The following PAG1 variants were observed in gnomAD, a reference collection of about 807,000 sequenced individuals.
The protein encoded by PAG1 is phosphoprotein associated with glycosphingolipid-enriched microdomains 1.
Under a neutral mutation model 31.7 loss-of-function variants are expected in PAG1, and 23 were observed. The ratio of observed to expected loss-of-function variants is 0.73; its 90% CI spans 0.52 to 1.03. The LOEUF (loss-of-function observed/expected upper bound fraction) is 1.03, where lower values mean the gene tolerates loss of function less well. Ranked by LOEUF, PAG1 falls within the 50% of genes least tolerant of loss-of-function variation. The pLI, the probability that PAG1 is intolerant of heterozygous loss-of-function variation, is 0.00. For synonymous variants in PAG1, 214 were observed against 210.3 expected (o/e 1.02, Z -0.15); for missense variants, 473 against 540.7 (o/e 0.87, Z 1.24).
In PAG1 at chr8:81,000,644, G is replaced by A. The variant is rs138495491; in HGVS notation, c.-80-7337C>T. Reference sequence around the variant, plus strand: ...TTTAGTAGAGATGGGGTTTCACCACGTTGGCCAGGCTGGTCTTGAACTCCT... The same window carrying A: ...TTTAGTAGAGATGGGGTTTCACCACATTGGCCAGGCTGGTCTTGAACTCCT... On this transcript the variant is annotated intron_variant, in intron 3 of 8. Coordinates refer to ENST00000220597, the MANE Select transcript of PAG1 (RefSeq NM_018440.4). 4.8e-3 allele frequency among the ~76,000 whole-genome samples: 735 copies of A among 152,234 alleles called. 10 individuals are homozygous for A. Among genetic ancestry groups the A allele is most frequent in the East Asian group, 0.015 (80 of 5,166 alleles).
At chr8:81,107,194 T>C (rs75165728) in intron 1 of PAG1, among the ~76,000 whole-genome samples, 33 of 152,262 alleles carry the variant, frequency 2.2e-4, no homozygotes, top group African/African-American at 7.9e-4. Flanking sequence ...TTGAGCTCAT[T>C]GCGTGAACTA....
chr8:81,061,801 C>T (rs1024438457), intron 2 of PAG1, among the ~76,000 whole-genome samples: 1 of 152,108 alleles, frequency 6.6e-6, no homozygotes, highest in Non-Finnish European at 1.5e-5. Flanking sequence ...TTTCCTGAGC[C>T]ATGGATGCTT....
At chr8:81,058,751 C>T in intron 2 of PAG1, 1 of 150,746 alleles carries the variant, frequency 6.6e-6, no homozygotes, top group East Asian at 2.0e-4. Context: ...AAAAAAGTAG[C>T]CAGGCATCGT....
chr8:81,031,688 C>T (rs1375417851), intron 2 of PAG1, among the ~76,000 whole-genome samples: 1 of 152,090 alleles, frequency 6.6e-6, no homozygotes, highest in Non-Finnish European at 1.5e-5. Flanking sequence ...TCTCTATCAC[C>T]AGATATGAGT....
intron 1 of PAG1, among the ~76,000 whole-genome samples, chr8:81,100,836 C>T (rs1809599035): frequency 6.6e-6 from 1 of 152,314 alleles, no homozygotes; most frequent in South Asian, 2.1e-4. Context: ...TAATATAAGG[C>T]TGACAGTTTT....
intron 2 of PAG1, among the ~76,000 whole-genome samples, chr8:81,032,118 A>G (rs1345301599): frequency 2.6e-5 from 4 of 152,182 alleles, no homozygotes; most frequent in Non-Finnish European, 4.4e-5. Context: ...AAACTATTAG[A>G]AAAAAAACCA....
chr8:81,051,966 T>C (rs1045219120), intron 2 of PAG1, among the ~76,000 whole-genome samples: 4 of 151,512 alleles, frequency 2.6e-5, no homozygotes, highest in African/African-American at 9.7e-5. Flanking sequence ...CCGTCTCTAC[T>C]AAAAATACAA....
At chr8:80,980,621 T>C (rs1807280419) in intron 7 of PAG1, 127 bp from the exon 8 acceptor site, 3 of 643,702 alleles carry the variant, frequency 4.7e-6, no homozygotes, top group Admixed American at 5.5e-5. Flanking sequence ...CACGAAGAAA[T>C]TATGGGAAGA....
intron 3 of PAG1, among the ~76,000 whole-genome samples, chr8:81,014,519 G>T (rs1488391906): frequency 6.6e-6 from 1 of 152,214 alleles, no homozygotes; most frequent in East Asian, 1.9e-4. Context: ...GCAAACCTGT[G>T]TTGGGATGTC....
intron 3 of PAG1, among the ~76,000 whole-genome samples, chr8:80,997,403 T>C (rs1807702231): frequency 1.3e-5 from 2 of 152,188 alleles, no homozygotes; most frequent in South Asian, 2.1e-4. Context: ...CTTGAGTAGC[T>C]GGGAACACAG....
intron 1 of PAG1, among the ~76,000 whole-genome samples, chr8:81,097,497 A>AT (rs1351044936): frequency 6.6e-6 from 1 of 152,180 alleles, no homozygotes. Flanking sequence ...AGAGAAAATG[A>AT]TATCTGCAAA....
chr8:80,982,293 T>C (rs1048145885), intron 7 of PAG1, among the ~76,000 whole-genome samples: 1 of 152,152 alleles, frequency 6.6e-6, no homozygotes, highest in Non-Finnish European at 1.5e-5. Context: ...CCACAGAGAC[T>C]GCTCTTGTCA....
At chr8:81,111,108 G>A (rs1809766286) in intron 1 of PAG1, among the ~76,000 whole-genome samples, 1 of 152,202 alleles carries the variant, frequency 6.6e-6, no homozygotes. Context: ...TTCCCTAAAG[G>A]ACTAGGCTCC....
chr8:81,049,122 G>A (rs1406802220), intron 2 of PAG1, among the ~76,000 whole-genome samples: 1 of 152,114 alleles, frequency 6.6e-6, no homozygotes, highest in African/African-American at 2.4e-5. Context: ...ATTACACATT[G>A]AGCAAGAAGA....
intron 1 of PAG1, among the ~76,000 whole-genome samples, chr8:81,091,272 C>A (rs1190429542): frequency 1.3e-5 from 2 of 152,078 alleles, no homozygotes; most frequent in African/African-American, 2.4e-5. Flanking sequence ...TTTGCACATG[C>A]CGAATTAGAG....
chr8:81,036,273 T>G lies in PAG1; in HGVS notation c.-174-6184A>C, dbSNP rs145531928. Among the ~76,000 whole-genome samples, 1,045 of 152,304 alleles carry G rather than the reference T, an allele frequency of 6.9e-3. 20 individuals are homozygous for G. The highest frequency in any genetic ancestry group is 0.024 in the African/African-American group (987 of 41,558). On this transcript the variant is annotated intron_variant, in intron 2 of 8. Coordinates refer to ENST00000220597, the MANE Select transcript of PAG1 (RefSeq NM_018440.4). Reference sequence around the variant, plus strand: ...AACCTCTCTTCAGGAAGAGAGCAATTTATTAATCAGTGCTCTCTGGATATG... The same window carrying G: ...AACCTCTCTTCAGGAAGAGAGCAATGTATTAATCAGTGCTCTCTGGATATG...
Position 81,084,044 on chromosome 8 carries a change from A to AG in PAG1, c.-233-13875_-233-13874insC, listed in dbSNP as rs971934655. 7.2e-5 allele frequency among the ~76,000 whole-genome samples: 11 copies of AG among 152,192 alleles called. No homozygotes were observed. In the South Asian group the frequency reaches 8.3e-4, roughly 11 times the overall value. ...AGCGAGACTCCATCTTAGAAAAAAA[A>AG]AAAAGGGAATATGTGAGCTCTGGGA... On this transcript the variant is annotated intron_variant, in intron 1 of 8. Transcript: ENST00000220597.
intron 2 of PAG1, among the ~76,000 whole-genome samples, chr8:81,035,746 A>C (rs1408732106): frequency 6.6e-6 from 1 of 152,160 alleles, no homozygotes; most frequent in African/African-American, 2.4e-5. Context: ...GCAATTCTCC[A>C]GGTGAAGAAG....
At chr8:81,086,819 C>T (rs927573095) in intron 1 of PAG1, among the ~76,000 whole-genome samples, 1 of 152,030 alleles carries the variant, frequency 6.6e-6, no homozygotes, top group African/African-American at 2.4e-5. Context: ...AAAAGTATAA[C>T]GTCAGGTTAT....
Sources: allele counts gnomAD v4.1 joint callset (sites outside exome capture counted in the v4.1 genomes callset), GRCh38; gene constraint gnomAD v4.1.1; transcripts MANE v1.5; gene names NCBI Gene and HGNC (gene_info 2026-07-23, HGNC 2026-07-21).